AXIN2: variants seen among roughly 807,000 people sequenced by gnomAD.
AXIN2 encodes the protein axin-2.
A neutral mutation model predicts 74.7 loss-of-function variants in AXIN2; 21 were observed. The observed-to-expected ratio is 0.28, with a 90% CI of 0.20 to 0.40. The LOEUF is 0.40. Ranked by LOEUF, AXIN2 falls within the 10% of genes least tolerant of loss-of-function variation. AXIN2 has a pLI of 1.00. For missense variants in AXIN2, 1,144 were observed against 1,111.1 expected, an observed-to-expected ratio of 1.03 and a Z score of -0.42; for synonymous variants, 532 against 454.9, an observed-to-expected ratio of 1.17 and a Z score of -2.16.
intron 2 of AXIN2, among the ~76,000 whole-genome samples, chr17:65,553,349 A>C (rs1410692434): frequency 6.6e-6 from 1 of 152,172 alleles, no homozygotes; most frequent in Non-Finnish European, 1.5e-5. Flanking sequence ...AAAAAAGCCA[A>C]AACAGCCTTA....
rs1555577104 is a variant in AXIN2 at position 65,536,430 on chromosome 17, G to A, written c.2031C>T (p.His677=). 1 of 1,613,674 alleles carries A rather than the reference G, an allele frequency of 6.2e-7. No individual in the cohort carries two copies. Among genetic ancestry groups the A allele is most frequent in the Non-Finnish European group, 8.5e-7 (1 of 1,179,988 alleles). The change falls in exon 8 of 11, where the codon CAC becomes CAT. Residue 677 remains histidine (H), a synonymous_variant. Transcript: ENST00000307078. ...SGHPRTTPRA[H]LFTQDPAMPP... is the part of the protein sequence containing the mutation. ...GCATCGCAGGGTCCTGGGTGAACAG[G>A]TGGGCACGGGGGGTGGTGCGGGGGT...
chr17:65,547,086 G>A (rs960188748), intron 3 of AXIN2, among the ~76,000 whole-genome samples: 1 of 152,164 alleles, frequency 6.6e-6, no homozygotes, highest in East Asian at 1.9e-4. Flanking sequence ...TTCAGCTAAA[G>A]GGGGAAGGGT....
At chr17:65,535,529 C>G in intron 9 of AXIN2, 97 bp downstream of exon 9, 5 of 1,258,638 alleles carry the variant, frequency 4.0e-6, no homozygotes, top group Non-Finnish European at 5.7e-6. Context: ...ATTTTAAAAA[C>G]CAAAAAAAGT....
chr17:65,559,730 A>G (rs527422818), intron 1 of AXIN2, among the ~76,000 whole-genome samples: 2 of 152,268 alleles, frequency 1.3e-5, no homozygotes, highest in East Asian at 3.9e-4. Flanking sequence ...TAACCAATAA[A>G]CAAGCTGCTT....
intron 10 of AXIN2, among the ~76,000 whole-genome samples, chr17:65,531,245 T>C (rs2043810698): frequency 6.6e-6 from 1 of 152,132 alleles, no homozygotes; most frequent in Admixed American, 6.5e-5. Flanking sequence ...TTTTCCCTCT[T>C]TAATAAAGGC....
Position 65,558,414 on chromosome 17 carries a change from T to G in AXIN2, c.207A>C (p.Ala69=). The G allele has an allele frequency of 6.2e-7, 1 of 1,602,348 alleles. No individual in the cohort carries two copies. The highest frequency in any genetic ancestry group is 8.5e-7 in the Non-Finnish European group (1 of 1,172,372). ...EDGLGEPEGR[A]SPDSPLTRWT... Reference sequence around the variant, plus strand: ...ACCGGGTCAGAGGGGAATCCGGAGATGCCCGCCCCTCCGGCTCCCCCAACC... The same window carrying G: ...ACCGGGTCAGAGGGGAATCCGGAGAGGCCCGCCCCTCCGGCTCCCCCAACC... Residue 69 remains alanine (A), a synonymous_variant, in exon 2 of 11, where the codon GCA becomes GCC. Transcript: ENST00000307078.
Position 65,541,515 on chromosome 17 carries a change from G to A in AXIN2, c.999C>T (p.Leu333=), listed in dbSNP as rs886848817. 5 of 1,613,972 alleles carry A rather than the reference G, an allele frequency of 3.1e-6. No individual in the cohort carries two copies. Among genetic ancestry groups the A allele is most frequent in the Non-Finnish European group, 4.2e-6 (5 of 1,180,030 alleles). ...PPYRVGSKKQ[L]QREMHRSVKA... ...TCACACTGCGATGCATTTCTCTCTG[G>A]AGCTGTTTCTTACTGCCCACACGAT... The change falls in exon 4 of 11, where the codon CTC becomes CTT. Residue 333 remains leucine, a synonymous_variant. Coordinates refer to ENST00000307078, the MANE Select transcript of AXIN2 (RefSeq NM_004655.4).
intron 2 of AXIN2, among the ~76,000 whole-genome samples, chr17:65,557,308 T>C (rs1428177624): frequency 6.6e-6 from 1 of 152,206 alleles, no homozygotes; most frequent in African/African-American, 2.4e-5. Flanking sequence ...TTGCTGGCTC[T>C]TATCTTAACA....
intron 3 of AXIN2, among the ~76,000 whole-genome samples, chr17:65,542,400 T>C (rs1262341660): frequency 6.6e-6 from 1 of 152,134 alleles, no homozygotes; most frequent in Non-Finnish European, 1.5e-5. Flanking sequence ...GCACAGGCAA[T>C]GAACAAAATA....
At chr17:65,530,735 C>T (rs766374038) in intron 10 of AXIN2, among the ~76,000 whole-genome samples, 10 of 152,196 alleles carry the variant, frequency 6.6e-5, no homozygotes, top group Non-Finnish European at 1.3e-4. Context: ...GCCGAACAGA[C>T]GGCACTGGCC....
chr17:65,545,016 A>T (rs1263733317), intron 3 of AXIN2, among the ~76,000 whole-genome samples: 1 of 152,208 alleles, frequency 6.6e-6, no homozygotes, highest in Non-Finnish European at 1.5e-5. Context: ...CTGGTGTCCA[A>T]AGTAAACCCC....
chr17:65,544,890 G>A (rs765762941), intron 3 of AXIN2, among the ~76,000 whole-genome samples: 2 of 152,200 alleles, frequency 1.3e-5, no homozygotes, highest in South Asian at 2.1e-4. Flanking sequence ...GCACACATGC[G>A]TCCACTCGCA....
At chr17:65,556,189 C>CACTGTGCT (rs1471437954) in intron 2 of AXIN2, among the ~76,000 whole-genome samples, 1 of 152,202 alleles carries the variant, frequency 6.6e-6, no homozygotes, top group Non-Finnish European at 1.5e-5. Context: ...CAAAACCACA[C>CACTGTGCT]ACTGTGCTAT....
chr17:65,551,625 T>C (rs1007521399), intron 2 of AXIN2, among the ~76,000 whole-genome samples: 15 of 152,166 alleles, frequency 9.9e-5, no homozygotes, highest in African/African-American at 1.2e-4. Context: ...CAACAGGGGA[T>C]GGTGGGATGG....
At chr17:65,530,553 T>A (rs564615822) in intron 10 of AXIN2, among the ~76,000 whole-genome samples, 98 of 152,342 alleles carry the variant, frequency 6.4e-4, no homozygotes, top group Admixed American at 1.5e-3. Flanking sequence ...CCTGAACCCA[T>A]CACACCTGGA....
chr17:65,534,956 C>G (rs575027077), intron 9 of AXIN2, among the ~76,000 whole-genome samples: 5 of 152,240 alleles, frequency 3.3e-5, no homozygotes, highest in African/African-American at 1.2e-4. Context: ...GTGGCTGGCC[C>G]AGACCCAGAG....
In AXIN2 at chr17:65,529,814, TC is replaced by T; in HGVS notation, c.*161del. Reference sequence around the variant, plus strand: ...AGCTCATGAATCATGAAAATCAACCTCCCCCCGCCCTCCCGAAGGCCCACTG... The same window carrying T: ...AGCTCATGAATCATGAAAATCAACCTCCCCCGCCCTCCCGAAGGCCCACTG... On this transcript the variant is annotated 3_prime_UTR_variant, in exon 11 of 11. Transcript: ENST00000307078. 4 of 1,142,212 alleles carry T rather than the reference TC, an allele frequency of 3.5e-6. No homozygotes were observed. The highest frequency in any genetic ancestry group is 3.8e-6 in the Non-Finnish European group (3 of 790,798). The allele number at this position is 1,142,212 out of a possible 1,614,324, so 70.8% of individuals were successfully genotyped here.
intron 4 of AXIN2, 119 bp downstream of exon 4, chr17:65,541,336 C>T: frequency 2.2e-6 from 2 of 912,360 alleles, no homozygotes; most frequent in Non-Finnish European, 3.6e-6. Flanking sequence ...CCCTAGGGGA[C>T]CTTAGGTACT....
intron 3 of AXIN2, among the ~76,000 whole-genome samples, chr17:65,546,016 A>G (rs985536497): frequency 8.6e-5 from 13 of 151,786 alleles, no homozygotes; most frequent in South Asian, 4.2e-4. Context: ...TCTGGAGTCT[A>G]TTGAAGGCTG....
Sources: allele counts gnomAD v4.1 joint callset (sites outside exome capture counted in the v4.1 genomes callset), GRCh38; gene constraint gnomAD v4.1.1; transcripts MANE v1.5; gene names NCBI Gene and HGNC (gene_info 2026-07-23, HGNC 2026-07-21).